The following EYS variants were observed in gnomAD, a reference collection of about 807,000 sequenced individuals.
EYS encodes the protein protein eyes shut homolog.
In EYS, 250 loss-of-function variants were observed where a neutral mutation model predicts 282.1. The observed-to-expected ratio is 0.89, with a 90% CI of 0.80 to 0.98. The LOEUF is 0.98. EYS is among the 50% of genes least tolerant of loss of function. The pLI is 0.00. For missense variants in EYS, 4,016 were observed against 3,709.0 expected (o/e 1.08, Z -2.15); for synonymous variants, 1,355 against 1,282.9 (o/e 1.06, Z -1.20).
chr6:63,914,871 A>G (rs2149740056), intron 35 of EYS, among the ~76,000 whole-genome samples: 1 of 152,290 alleles, frequency 6.6e-6, no homozygotes, highest in African/African-American at 2.4e-5. Context: ...AGCTTGAGAG[A>G]GGTGAGAAAG....
chr6:63,919,649 T>C (rs1002065439), intron 35 of EYS, among the ~76,000 whole-genome samples: 9 of 152,224 alleles, frequency 5.9e-5, no homozygotes, highest in African/African-American at 1.9e-4. Flanking sequence ...CTTGACCTGG[T>C]CAGCACTCCG....
chr6:64,902,460 G>A lies in EYS; in HGVS notation c.2682C>T (p.Cys894=). 7 of 1,535,532 alleles carry A rather than the reference G, an allele frequency of 4.6e-6. No individual in the cohort carries two copies. Among genetic ancestry groups the A allele is most frequent in the Non-Finnish European group, 6.1e-6 (7 of 1,142,880 alleles). Residue 894 remains cysteine, a synonymous_variant, in exon 17 of 43, where the codon TGC becomes TGT. Transcript: ENST00000503581. ...GKNCEIDVKD[C]LFLSCQDYGD... The stretch of plus-strand genomic sequence containing the variant: ...CATAATCCTGGCAGGAAAGGAAGAG[G>A]CAGTCTTTCACATCAATTTCACAGT...
intron 41 of EYS, among the ~76,000 whole-genome samples, chr6:63,741,054 C>T (rs527354016): frequency 6.6e-6 from 1 of 152,198 alleles, no homozygotes. Context: ...GCCACAACTG[C>T]TCTTCTTGGA....
intron 22 of EYS, among the ~76,000 whole-genome samples, chr6:64,646,808 GAAA>G (rs1194625739): frequency 9.4e-6 from 1 of 105,976 alleles, no homozygotes; most frequent in Non-Finnish European, 2.0e-5. Flanking sequence ...CCAGCTAAAA[GAAA>G]AAAAAAAAAA....
chr6:64,653,625 C>T (rs902242446), intron 22 of EYS, among the ~76,000 whole-genome samples: 7 of 151,948 alleles, frequency 4.6e-5, no homozygotes, highest in Admixed American at 1.3e-4. Context: ...AAGGCAGTGG[C>T]GTGACTGTGG....
intron 29 of EYS, among the ~76,000 whole-genome samples, chr6:64,364,977 T>C (rs1172160436): frequency 6.6e-6 from 1 of 151,724 alleles, no homozygotes; most frequent in Non-Finnish European, 1.5e-5. Context: ...TAAGTTTTTG[T>C]TTTTTTTACT....
At chr6:64,533,427 AG>A (rs1336259513) in intron 26 of EYS, among the ~76,000 whole-genome samples, 1 of 152,130 alleles carries the variant, frequency 6.6e-6, no homozygotes, top group Non-Finnish European at 1.5e-5. Flanking sequence ...ACTGCTTAGA[AG>A]CAAAGAAAAC....
chr6:64,928,705 A>G (rs1768597974), intron 15 of EYS, among the ~76,000 whole-genome samples: 1 of 152,052 alleles, frequency 6.6e-6, no homozygotes, highest in Admixed American at 6.6e-5. Flanking sequence ...GTACTTTTTA[A>G]AAGTCCATTT....
intron 31 of EYS, among the ~76,000 whole-genome samples, chr6:64,198,749 C>T (rs1765375780): frequency 6.6e-6 from 1 of 152,098 alleles, no homozygotes; most frequent in Admixed American, 6.5e-5. Flanking sequence ...GGATTGGTTC[C>T]AAGTCTTTGC....
intron 26 of EYS, among the ~76,000 whole-genome samples, chr6:64,522,377 A>T (rs1031811377): frequency 6.6e-6 from 1 of 151,750 alleles, no homozygotes; most frequent in Non-Finnish European, 1.5e-5. Flanking sequence ...AACTAGTGTT[A>T]GAATGTAGAA....
chr6:64,745,671 G>C (rs1286708148), intron 22 of EYS, among the ~76,000 whole-genome samples: 1 of 152,016 alleles, frequency 6.6e-6, no homozygotes, highest in South Asian at 2.1e-4. Flanking sequence ...AAACTTATTA[G>C]CCACTGTAAT....
At chr6:63,818,061 A>G (rs976014793) in intron 36 of EYS, among the ~76,000 whole-genome samples, 12 of 152,240 alleles carry the variant, frequency 7.9e-5, no homozygotes, top group African/African-American at 2.4e-5. Flanking sequence ...TTAAATTCAT[A>G]CAGTAAAATA....
At chr6:65,521,351 C>T (rs563477725) in intron 2 of EYS, among the ~76,000 whole-genome samples, 3 of 152,150 alleles carry the variant, frequency 2.0e-5, no homozygotes, top group African/African-American at 7.2e-5. Context: ...AACACAGTTT[C>T]CCCATCAGTG....
At chr6:64,706,652 G>A (rs992952957) in intron 22 of EYS, among the ~76,000 whole-genome samples, 1 of 151,994 alleles carries the variant, frequency 6.6e-6, no homozygotes, top group Non-Finnish European at 1.5e-5. Flanking sequence ...AGTGGGCTAA[G>A]GACACGAATA....
chr6:64,783,140 TTGAC>T (rs982016249), intron 22 of EYS, among the ~76,000 whole-genome samples: 2 of 152,144 alleles, frequency 1.3e-5, no homozygotes, highest in African/African-American at 2.4e-5. Context: ...GGTCATCAGA[TTGAC>T]TGTCATGGTA....
At chr6:64,616,381 T>C (rs906784919) in intron 24 of EYS, among the ~76,000 whole-genome samples, 3 of 152,038 alleles carry the variant, frequency 2.0e-5, no homozygotes, top group African/African-American at 7.2e-5. Flanking sequence ...CTAGGGCAAA[T>C]CCAAAATTAG....
chr6:64,752,074 C>A lies in EYS; in HGVS notation c.3443+61304G>T, dbSNP rs371150053. On this transcript the variant is annotated intron_variant, in intron 22 of 42. Coordinates refer to ENST00000503581, the MANE Select transcript of EYS (RefSeq NM_001142800.2). ...ATTCTGGAACTATGAAAACAACCAA[C>A]CAAACAAACAAACAAACAAACAAAC... Among the ~76,000 whole-genome samples the A allele has an allele frequency of 6.6e-4, 101 of 152,030 alleles. No homozygotes were observed. In the South Asian group the frequency reaches 0.017, roughly 25 times the overall value.
chr6:64,991,549 A>G (rs1771063613), intron 14 of EYS, among the ~76,000 whole-genome samples: 1 of 151,644 alleles, frequency 6.6e-6, no homozygotes, highest in Non-Finnish European at 1.5e-5. Context: ...TCCAGCCTCT[A>G]AGAGAAGCTA....
intron 2 of EYS, among the ~76,000 whole-genome samples, chr6:65,628,312 G>T (rs1241123843): frequency 6.6e-6 from 1 of 152,152 alleles, no homozygotes; most frequent in African/African-American, 2.4e-5. Flanking sequence ...ATGGGGATGT[G>T]AAGAACCTTT....
Sources: gnomAD v4.1 joint callset for allele counts (sites outside exome capture counted in the v4.1 genomes callset) on GRCh38, gnomAD v4.1.1 for gene constraint, MANE v1.5 for transcripts, NCBI Gene and HGNC (gene_info 2026-07-23, HGNC 2026-07-21) for gene names.